The following CNTNAP2 variants were observed in gnomAD, a reference collection of about 807,000 sequenced individuals.
CNTNAP2 encodes contactin associated protein 2, also known as contactin-associated protein-like 2.
A neutral mutation model predicts 155.2 loss-of-function variants in CNTNAP2; 98 were observed. The observed-to-expected ratio is 0.63, with a 90% CI of 0.54 to 0.75. The LOEUF (loss-of-function observed/expected upper bound fraction) is 0.75, where lower values mean the gene tolerates loss of function less well. Among genes scored for constraint, CNTNAP2 ranks in the 30% least tolerant of loss-of-function variants. The probability of loss-of-function intolerance (pLI) is 0.00; values close to 1 mark genes in which losing one functional copy is unlikely to be tolerated. For synonymous variants in CNTNAP2, 651 were observed against 631.2 expected, an observed-to-expected ratio of 1.03 and a Z score of -0.47; for missense variants, 1,727 against 1,688.1, an observed-to-expected ratio of 1.02 and a Z score of -0.40.
At chr7:146,605,574 G>A (rs1032153586) in intron 1 of CNTNAP2, among the ~76,000 whole-genome samples, 2 of 152,184 alleles carry the variant, frequency 1.3e-5, no homozygotes, top group East Asian at 3.9e-4. Context: ...AAATAAGAGA[G>A]GTATGTAAAC....
At chr7:148,228,827 C>CAAAA (rs10657103) in intron 19 of CNTNAP2, among the ~76,000 whole-genome samples, 6,059 of 118,542 alleles carry the variant, frequency 0.051, 319 homozygotes, top group East Asian at 0.11. Context: ...GACTCTGTTT[C>CAAAA]AAAAAAAAAA....
intron 14 of CNTNAP2, among the ~76,000 whole-genome samples, chr7:147,976,352 T>C (rs1801425787): frequency 6.6e-6 from 1 of 152,192 alleles, no homozygotes; most frequent in Non-Finnish European, 1.5e-5. Flanking sequence ...AATATTAAGT[T>C]TAATATCAAA....
intron 12 of CNTNAP2, among the ~76,000 whole-genome samples, chr7:147,570,591 T>G (rs1800269692): frequency 6.6e-6 from 1 of 152,194 alleles, no homozygotes; most frequent in Admixed American, 6.5e-5. Context: ...CATACATAAT[T>G]GAGGGCAAAC....
chr7:146,574,398 G>T (rs1345234036), intron 1 of CNTNAP2, among the ~76,000 whole-genome samples: 1 of 151,950 alleles, frequency 6.6e-6, no homozygotes. Flanking sequence ...AATACCAACT[G>T]GTTCATACAT....
intron 9 of CNTNAP2, among the ~76,000 whole-genome samples, chr7:147,386,635 T>C (rs910600095): frequency 2.0e-5 from 3 of 152,160 alleles, no homozygotes; most frequent in African/African-American, 7.2e-5. Flanking sequence ...TGGATTTCAT[T>C]GTCCATATCA....
At chr7:148,057,850 A>T (rs1180180117) in intron 15 of CNTNAP2, among the ~76,000 whole-genome samples, 1 of 151,924 alleles carries the variant, frequency 6.6e-6, no homozygotes, top group Non-Finnish European at 1.5e-5. Context: ...AAGTTATTTC[A>T]CTTCTCTAAG....
At chr7:147,802,032 G>A (rs1402186266) in intron 13 of CNTNAP2, among the ~76,000 whole-genome samples, 4 of 150,472 alleles carry the variant, frequency 2.7e-5, no homozygotes, top group South Asian at 4.2e-4. Flanking sequence ...GGTGGCTGCC[G>A]GGCGGAGGGG....
intron 9 of CNTNAP2, among the ~76,000 whole-genome samples, chr7:147,312,356 A>G (rs933005201): frequency 4.0e-5 from 6 of 150,650 alleles, no homozygotes; most frequent in Non-Finnish European, 5.9e-5. Flanking sequence ...GGTGTGCTGC[A>G]CCCATTAACT....
chr7:146,293,006 C>T (rs535798946), intron 1 of CNTNAP2, among the ~76,000 whole-genome samples: 2 of 151,886 alleles, frequency 1.3e-5, no homozygotes, highest in African/African-American at 2.4e-5. Flanking sequence ...CAAATGTTCT[C>T]ACCACAAAAT....
chr7:146,727,991 A>T (rs145940555), intron 1 of CNTNAP2, among the ~76,000 whole-genome samples: 2 of 152,136 alleles, frequency 1.3e-5, no homozygotes, highest in South Asian at 4.1e-4. Context: ...GTTGTTGCTC[A>T]CTAAGTAGAG....
At chr7:146,720,372 G>A (rs1801264396) in intron 1 of CNTNAP2, among the ~76,000 whole-genome samples, 2 of 151,988 alleles carry the variant, frequency 1.3e-5, no homozygotes, top group South Asian at 4.1e-4. Context: ...AAAAGACCCT[G>A]GTAGCCTCCC....
At chr7:148,102,599 G>T (rs983091953) in intron 15 of CNTNAP2, among the ~76,000 whole-genome samples, 2 of 152,194 alleles carry the variant, frequency 1.3e-5, no homozygotes, top group African/African-American at 4.8e-5. Context: ...AAATGTTATT[G>T]TAATAACTTA....
chr7:148,246,389 A>C (rs1458668115), intron 20 of CNTNAP2, among the ~76,000 whole-genome samples: 4 of 152,220 alleles, frequency 2.6e-5, no homozygotes, highest in African/African-American at 9.6e-5. Context: ...CTGCTGTTAC[A>C]GTGCTGTGAT....
chr7:146,205,807 T>C (rs1234224164), intron 1 of CNTNAP2, among the ~76,000 whole-genome samples: 1 of 151,878 alleles, frequency 6.6e-6, no homozygotes, highest in Non-Finnish European at 1.5e-5. Flanking sequence ...AGTGAAAATA[T>C]GTTTTAGGAA....
intron 1 of CNTNAP2, among the ~76,000 whole-genome samples, chr7:146,144,139 A>ATATTTATT (rs531251321): frequency 0.017 from 2,546 of 151,516 alleles, 60 homozygotes; most frequent in African/African-American, 0.052. Flanking sequence ...ACTTCCTAAA[A>ATATTTATT]TATTTATTTA....
chr7:146,769,423 T>C (rs1802254754), intron 1 of CNTNAP2, among the ~76,000 whole-genome samples: 1 of 152,186 alleles, frequency 6.6e-6, no homozygotes. Flanking sequence ...GAATGCATAA[T>C]GAGTGATAAC....
intron 1 of CNTNAP2, among the ~76,000 whole-genome samples, chr7:146,454,524 G>C (rs1172735141): frequency 6.6e-6 from 1 of 151,700 alleles, no homozygotes; most frequent in Non-Finnish European, 1.5e-5. Context: ...TTAATCCTGG[G>C]ACACGTTAAA....
At chr7:148,342,886 A>G (rs1798259578) in intron 21 of CNTNAP2, among the ~76,000 whole-genome samples, 1 of 152,248 alleles carries the variant, frequency 6.6e-6, no homozygotes, top group South Asian at 2.1e-4. Flanking sequence ...CACCAGCCAG[A>G]GTTTCTTTAC....
intron 1 of CNTNAP2, among the ~76,000 whole-genome samples, chr7:146,380,186 G>A (rs1019987540): frequency 1.3e-5 from 2 of 152,144 alleles, no homozygotes; most frequent in Non-Finnish European, 2.9e-5. Flanking sequence ...CATTTTAACT[G>A]AGCATATCCC....
Sources: allele counts gnomAD v4.1 joint callset (sites outside exome capture counted in the v4.1 genomes callset), GRCh38; gene constraint gnomAD v4.1.1; transcripts MANE v1.5; gene names NCBI Gene and HGNC (gene_info 2026-07-23, HGNC 2026-07-21).